ZBTB7C: variants seen among roughly 807,000 people sequenced by gnomAD.
ZBTB7C encodes zinc finger and BTB domain-containing protein 7C.
Under a neutral mutation model 25.7 loss-of-function variants are expected in ZBTB7C, and 8 were observed. The ratio of observed to expected loss-of-function variants is 0.31; its 90% confidence interval spans 0.18 to 0.56. The LOEUF (loss-of-function observed/expected upper bound fraction) is 0.56. Among genes scored for constraint, ZBTB7C ranks in the 20% least tolerant of loss-of-function variants. The probability of loss-of-function intolerance (pLI) is 0.91; values close to 1 mark genes in which losing one functional copy is unlikely to be tolerated. For synonymous variants in ZBTB7C, 394 were observed against 369.0 expected, an observed-to-expected ratio of 1.07 and a Z score of -0.78; for missense variants, 824 against 855.2, an observed-to-expected ratio of 0.96 and a Z score of 0.46.
intron 3 of ZBTB7C, chr18:48,162,200 A>G (rs2144961110): frequency 5.8e-6 from 2 of 345,774 alleles, no homozygotes; most frequent in East Asian, 1.6e-4. Context: ...CGAGGCGCAA[A>G]CACCACCCCT....
intron 2 of ZBTB7C, among the ~76,000 whole-genome samples, chr18:48,275,245 C>T (rs757787661): frequency 6.6e-6 from 1 of 152,186 alleles, no homozygotes; most frequent in Non-Finnish European, 1.5e-5. Context: ...TGACTGGCCC[C>T]AGATTCTTCC....
At chr18:48,372,818 G>C (rs1279769405) in intron 1 of ZBTB7C, among the ~76,000 whole-genome samples, 3 of 152,020 alleles carry the variant, frequency 2.0e-5, no homozygotes, top group African/African-American at 7.2e-5. Flanking sequence ...CCTCCCACCT[G>C]AGAGGTCCCG....
chr18:48,353,847 TG>T, intron 1 of ZBTB7C, among the ~76,000 whole-genome samples: 1 of 152,182 alleles, frequency 6.6e-6, no homozygotes, highest in South Asian at 2.1e-4. Context: ...TCACACAGCG[TG>T]GAAGTGGTAG....
intron 3 of ZBTB7C, among the ~76,000 whole-genome samples, chr18:48,160,494 C>G (rs1002609879): frequency 6.6e-6 from 1 of 152,228 alleles, no homozygotes; most frequent in African/African-American, 2.4e-5. Flanking sequence ...ATCTCCCGCT[C>G]TGGGTCTCAA....
chr18:48,184,702 G>A (rs1293295918), intron 3 of ZBTB7C, among the ~76,000 whole-genome samples: 2 of 152,096 alleles, frequency 1.3e-5, no homozygotes, highest in African/African-American at 4.8e-5. Flanking sequence ...TGGGGGAAAG[G>A]CAAGTGGACA....
intron 2 of ZBTB7C, among the ~76,000 whole-genome samples, chr18:48,187,589 A>G (rs2042087653): frequency 2.6e-5 from 4 of 152,170 alleles, no homozygotes; most frequent in Non-Finnish European, 4.4e-5. Context: ...CAAGGTGGGC[A>G]GATCACGAGG....
At chr18:48,069,852 C>G (rs2037477007) in intron 3 of ZBTB7C, among the ~76,000 whole-genome samples, 1 of 152,166 alleles carries the variant, frequency 6.6e-6, no homozygotes, top group East Asian at 1.9e-4. Context: ...GATCTGATAA[C>G]AGGCTTAGGG....
intron 2 of ZBTB7C, among the ~76,000 whole-genome samples, chr18:48,305,822 G>C (rs1318292414): frequency 6.6e-6 from 1 of 152,150 alleles, no homozygotes; most frequent in Non-Finnish European, 1.5e-5. Context: ...GAGGCTCAGG[G>C]AGCTCAGGTC....
intron 2 of ZBTB7C, among the ~76,000 whole-genome samples, chr18:48,245,078 TA>T (rs1262576488): frequency 3.2e-4 from 19 of 58,820 alleles, no homozygotes; most frequent in African/African-American, 1.4e-3. Context: ...GAAAAAAAAG[TA>T]GTGTGTGTGT....
At chr18:48,033,492 G>C (rs2144091146) in intron 4 of ZBTB7C, among the ~76,000 whole-genome samples, 1 of 152,340 alleles carries the variant, frequency 6.6e-6, no homozygotes, top group Non-Finnish European at 1.5e-5. Flanking sequence ...GCCAATGGGA[G>C]GAACTCAGCC....
Position 48,085,241 on chromosome 18 carries a change from T to C in ZBTB7C, c.-16-44118A>G, listed in dbSNP as rs1030163954. Among the ~76,000 whole-genome samples, 4 of 151,724 alleles carry C rather than the reference T, an allele frequency of 2.6e-5. No homozygotes were observed. In the East Asian group the frequency reaches 5.8e-4, roughly 22 times the overall value. ...CTGTCCTGAGAGCAGGCTTTGGAGGTAGAGCTGGGAGTATGCTGGGGAGAG... is the reference window on the plus strand; with the variant it reads ...CTGTCCTGAGAGCAGGCTTTGGAGGCAGAGCTGGGAGTATGCTGGGGAGAG... On this transcript the variant is annotated intron_variant, in intron 3 of 4. Coordinates refer to ENST00000590800, the MANE Select transcript of ZBTB7C (RefSeq NM_001318841.2).
intron 3 of ZBTB7C, among the ~76,000 whole-genome samples, chr18:48,106,679 T>A (rs770732400): frequency 3.9e-5 from 6 of 152,168 alleles, no homozygotes; most frequent in Non-Finnish European, 2.9e-5. Flanking sequence ...AGGTTCATTC[T>A]ACATCAGTCA....
At chr18:48,190,977 A>G (rs1375013780) in intron 2 of ZBTB7C, among the ~76,000 whole-genome samples, 1 of 152,176 alleles carries the variant, frequency 6.6e-6, no homozygotes, top group Admixed American at 6.5e-5. Flanking sequence ...TTTGGGGAAA[A>G]CAAGTCCCAT....
At chr18:48,073,554 T>G (rs888735179) in intron 3 of ZBTB7C, among the ~76,000 whole-genome samples, 2 of 152,170 alleles carry the variant, frequency 1.3e-5, no homozygotes, top group Non-Finnish European at 2.9e-5. Flanking sequence ...AGGCTCCCAG[T>G]GGCTGCTCTT....
intron 3 of ZBTB7C, among the ~76,000 whole-genome samples, chr18:48,108,334 A>G (rs1042464109): frequency 4.6e-5 from 7 of 152,076 alleles, no homozygotes; most frequent in Admixed American, 3.3e-4. Context: ...GAGGGCGGGG[A>G]GGCGAGTGGG....
At chr18:48,095,248 C>T (rs2038575694) in intron 3 of ZBTB7C, among the ~76,000 whole-genome samples, 1 of 152,104 alleles carries the variant, frequency 6.6e-6, no homozygotes, top group Admixed American at 6.5e-5. Flanking sequence ...AGCACGATGG[C>T]CATTTTACAT....
intron 2 of ZBTB7C, among the ~76,000 whole-genome samples, chr18:48,232,637 T>C (rs1238140135): frequency 8.9e-5 from 13 of 146,194 alleles, no homozygotes. Flanking sequence ...CCATGAAATT[T>C]TGGGGTACTT....
chr18:48,401,641 C>T (rs139337391), intron 1 of ZBTB7C, among the ~76,000 whole-genome samples: 2 of 152,254 alleles, frequency 1.3e-5, no homozygotes, highest in Non-Finnish European at 2.9e-5. Flanking sequence ...AAGGACACTT[C>T]CTCCCCTGGG....
At chr18:48,267,961 G>A (rs1324708738) in intron 2 of ZBTB7C, among the ~76,000 whole-genome samples, 2 of 152,168 alleles carry the variant, frequency 1.3e-5, no homozygotes, top group African/African-American at 4.8e-5. Flanking sequence ...AATGGACTAA[G>A]ACAAAAGGCC....
Sources: gnomAD v4.1 joint callset for allele counts (sites outside exome capture counted in the v4.1 genomes callset) on GRCh38, gnomAD v4.1.1 for gene constraint, MANE v1.5 for transcripts, NCBI Gene and HGNC (gene_info 2026-07-23, HGNC 2026-07-21) for gene names.